The following GRM1 variants were observed in gnomAD, a reference collection of about 807,000 sequenced individuals.
GRM1 encodes glutamate metabotropic receptor 1.
Under a neutral mutation model 90.9 loss-of-function variants are expected in GRM1, and 33 were observed. The ratio of observed to expected loss-of-function variants is 0.36; its 90% CI spans 0.28 to 0.49. The LOEUF is 0.49. Among genes scored for constraint, GRM1 ranks in the 20% least tolerant of loss-of-function variants. The pLI is 0.99. For missense variants in GRM1, 1,190 were observed against 1,534.3 expected, an observed-to-expected ratio of 0.78 and a Z score of 3.75; for synonymous variants, 700 against 613.2, an observed-to-expected ratio of 1.14 and a Z score of -2.09.
chr6:146,198,226 A>G (rs546167810), intron 2 of GRM1, among the ~76,000 whole-genome samples: 93 of 152,358 alleles, frequency 6.1e-4, no homozygotes, highest in African/African-American at 2.1e-3. Flanking sequence ...TGCCACATCC[A>G]GCATAGCAGC....
intron 6 of GRM1, among the ~76,000 whole-genome samples, chr6:146,396,090 A>ATCTATCTATCTATCTATCTATCTG (rs1554307315): frequency 0.017 from 2,604 of 150,642 alleles, 23 homozygotes; most frequent in Middle Eastern, 0.027. Context: ...CTATCTATCT[A>ATCTATCTATCTATCTATCTATCTG]TCTATCTATC....
chr6:146,165,356 T>A (rs565259177), intron 2 of GRM1, among the ~76,000 whole-genome samples: 1 of 152,266 alleles, frequency 6.6e-6, no homozygotes, highest in South Asian at 2.1e-4. Flanking sequence ...CATATACTTT[T>A]TAAAAATAAA....
chr6:146,137,871 T>C (rs1013686732), intron 1 of GRM1, among the ~76,000 whole-genome samples: 4 of 152,202 alleles, frequency 2.6e-5, no homozygotes, highest in South Asian at 4.1e-4. Flanking sequence ...ATTTTTCACT[T>C]CTTCGGTTAA....
intron 2 of GRM1, among the ~76,000 whole-genome samples, chr6:146,190,356 T>G (rs1210544432): frequency 2.0e-5 from 3 of 152,192 alleles, no homozygotes; most frequent in Admixed American, 2.0e-4. Context: ...TTTGAACTAG[T>G]AAACATCCTG....
At chr6:146,365,808 T>G (rs1311047787) in intron 5 of GRM1, among the ~76,000 whole-genome samples, 1 of 152,120 alleles carries the variant, frequency 6.6e-6, no homozygotes, top group Admixed American at 6.5e-5. Context: ...ATTTCAGGTG[T>G]CTTCCTATCA....
At chr6:146,227,105 A>G (rs74463590) in intron 2 of GRM1, among the ~76,000 whole-genome samples, 1,728 of 152,248 alleles carry the variant, frequency 0.011, 71 homozygotes, top group East Asian at 0.079. Context: ...TAGTGCAATT[A>G]TATCAATTTT....
At chr6:146,103,739 C>G (rs1777126090) in intron 1 of GRM1, among the ~76,000 whole-genome samples, 1 of 152,186 alleles carries the variant, frequency 6.6e-6, no homozygotes, top group Admixed American at 6.5e-5. Flanking sequence ...TAAACAGATT[C>G]ATTCATCCTG....
chr6:146,269,025 A>AT (rs965841127), intron 2 of GRM1, among the ~76,000 whole-genome samples: 3 of 152,046 alleles, frequency 2.0e-5, no homozygotes, highest in Non-Finnish European at 2.9e-5. Flanking sequence ...CAGAGTTCTA[A>AT]TTTTTTTTCC....
At chr6:146,109,488 A>G (rs1775465357) in intron 1 of GRM1, among the ~76,000 whole-genome samples, 1 of 152,222 alleles carries the variant, frequency 6.6e-6, no homozygotes, top group Non-Finnish European at 1.5e-5. Flanking sequence ...CAGAAGATAT[A>G]TGGAAATGCC....
chr6:146,281,767 C>G (rs1298161629), intron 2 of GRM1, among the ~76,000 whole-genome samples: 1 of 152,182 alleles, frequency 6.6e-6, no homozygotes, highest in African/African-American at 2.4e-5. Context: ...CTGTGATTCA[C>G]TACTTCTTTC....
intron 2 of GRM1, among the ~76,000 whole-genome samples, chr6:146,302,841 AAAG>A (rs1783438482): frequency 6.6e-6 from 1 of 152,090 alleles, no homozygotes; most frequent in Non-Finnish European, 1.5e-5. Flanking sequence ...GTAGCAAAGA[AAAG>A]AAGAAAGAAA....
intron 7 of GRM1, among the ~76,000 whole-genome samples, chr6:146,416,029 C>T (rs1329197224): frequency 6.6e-6 from 1 of 152,128 alleles, no homozygotes; most frequent in Non-Finnish European, 1.5e-5. Flanking sequence ...TTGTTTGGTA[C>T]TTGCATGATA....
At chr6:146,213,444 G>C (rs889843102) in intron 2 of GRM1, among the ~76,000 whole-genome samples, 1 of 152,150 alleles carries the variant, frequency 6.6e-6, no homozygotes, top group African/African-American at 2.4e-5. Context: ...CTCTCTGCTT[G>C]TAGTATAGAT....
rs149403267 is a variant in GRM1, at chr6:146,434,584, G to C, written c.3373G>C (p.Glu1125Gln). 1.2e-5 allele frequency: 20 copies of C among 1,613,870 alleles called. No homozygotes were observed. The highest frequency in any genetic ancestry group is 2.2e-5 in the East Asian group (1 of 44,876). ...AGGGAACACGGAAGAAGACGAACTG[G>C]AAGAGGAGGAGGAGGACCTGCAGGC... ...REGNTEEDEL[E>Q]EEEEDLQAAS... is the part of the protein sequence containing the mutation. Residue 1125 changes from glutamate to glutamine, a missense_variant, in exon 8 of 8, where the codon GAA becomes CAA. Coordinates refer to ENST00000282753, the MANE Select transcript of GRM1 (RefSeq NM_001278064.2).
intron 1 of GRM1, among the ~76,000 whole-genome samples, chr6:146,125,963 T>G (rs1472149916): frequency 1.3e-5 from 2 of 152,158 alleles, no homozygotes; most frequent in African/African-American, 4.8e-5. Context: ...TCTAATTACA[T>G]TTTTGTTTTT....
At chr6:146,239,547 G>GA (rs901965779) in intron 2 of GRM1, among the ~76,000 whole-genome samples, 2 of 151,612 alleles carry the variant, frequency 1.3e-5, no homozygotes, top group Non-Finnish European at 2.9e-5. Flanking sequence ...ACGGATGCAT[G>GA]AAAAAAAATG....
intron 2 of GRM1, among the ~76,000 whole-genome samples, chr6:146,277,497 C>T (rs914115553): frequency 5.3e-5 from 8 of 152,184 alleles, no homozygotes; most frequent in Non-Finnish European, 1.0e-4. Context: ...ACCTGACTGA[C>T]TCCCAATTAA....
At chr6:146,286,784 C>T (rs1015523817) in intron 2 of GRM1, among the ~76,000 whole-genome samples, 2 of 152,096 alleles carry the variant, frequency 1.3e-5, no homozygotes, top group African/African-American at 2.4e-5. Context: ...AAAAGAACCA[C>T]GGTGATAAAA....
intron 2 of GRM1, among the ~76,000 whole-genome samples, chr6:146,273,103 T>C (rs1782229105): frequency 6.6e-6 from 1 of 152,228 alleles, no homozygotes. Context: ...ACTAAGTGTC[T>C]ACATAAGAAG....
Sources: gnomAD v4.1 joint callset for allele counts (sites outside exome capture counted in the v4.1 genomes callset) on GRCh38, gnomAD v4.1.1 for gene constraint, MANE v1.5 for transcripts, NCBI Gene and HGNC (gene_info 2026-07-23, HGNC 2026-07-21) for gene names.